KCNIP4: variants seen among roughly 807,000 people sequenced by gnomAD.
The protein encoded by KCNIP4 is Kv channel-interacting protein 4.
A neutral mutation model predicts 34.0 loss-of-function variants in KCNIP4; 12 were observed. That is an observed-to-expected ratio of 0.35 (90% CI 0.23 to 0.57). The LOEUF is 0.57. Ranked by LOEUF, KCNIP4 falls within the 20% of genes least tolerant of loss-of-function variation. KCNIP4 has a pLI of 0.83. For missense variants in KCNIP4, 238 were observed against 311.7 expected (o/e 0.76, Z 1.78); for synonymous variants, 124 against 102.2 (o/e 1.21, Z -1.29).
chr4:21,267,518 G>A (rs1016477957), intron 1 of KCNIP4, among the ~76,000 whole-genome samples: 10 of 150,542 alleles, frequency 6.6e-5, no homozygotes, highest in East Asian at 3.9e-4. Context: ...TTTGAGATAC[G>A]TCCCATCAAT....
rs146264588 is a variant in KCNIP4, at chr4:21,004,303, G to A, written c.62-121594C>T. Among the ~76,000 whole-genome samples the A allele has an allele frequency of 2.8e-4, 43 of 152,270 alleles. No homozygotes were observed. In the East Asian group the frequency reaches 6.7e-3, roughly 24 times the overall value. ...GTAAAATAACCACAACTCAGTGCTC[G>A]ATTCAATGAGAAAGGAGAGAGTATA... is the stretch of plus-strand genomic sequence containing the variant. On this transcript the variant is annotated intron_variant, in intron 1 of 8. Transcript: ENST00000382152.
At chr4:21,881,085 T>C (rs1726432815) in intron 1 of KCNIP4, among the ~76,000 whole-genome samples, 1 of 152,184 alleles carries the variant, frequency 6.6e-6, no homozygotes, top group Non-Finnish European at 1.5e-5. Flanking sequence ...CAGTGAATTA[T>C]AATATTTTTT....
At chr4:21,736,212 C>G (rs1715978607) in intron 1 of KCNIP4, among the ~76,000 whole-genome samples, 1 of 151,998 alleles carries the variant, frequency 6.6e-6, no homozygotes. Flanking sequence ...GAAAGGAAAC[C>G]ACTGAGATTT....
intron 1 of KCNIP4, among the ~76,000 whole-genome samples, chr4:21,071,386 T>C (rs909100997): frequency 1.3e-5 from 2 of 152,192 alleles, no homozygotes; most frequent in Non-Finnish European, 2.9e-5. Flanking sequence ...TTCTGAACCT[T>C]TGACCAAAGG....
At chr4:21,601,986 T>A (rs896524070) in intron 1 of KCNIP4, among the ~76,000 whole-genome samples, 1 of 152,156 alleles carries the variant, frequency 6.6e-6, no homozygotes. Flanking sequence ...CAAAATCACC[T>A]GAATTAGTTA....
chr4:21,434,835 G>A (rs1048397780), intron 1 of KCNIP4, among the ~76,000 whole-genome samples: 4 of 150,724 alleles, frequency 2.7e-5, no homozygotes, highest in African/African-American at 4.9e-5. Flanking sequence ...GGGGACCACC[G>A]ATAGAGAACT....
chr4:21,429,545 G>C (rs1726252173), intron 1 of KCNIP4, among the ~76,000 whole-genome samples: 1 of 152,132 alleles, frequency 6.6e-6, no homozygotes, highest in Non-Finnish European at 1.5e-5. Context: ...TGTTTAGTTT[G>C]ATAGGAAGCT....
At chr4:21,649,485 CTT>C (rs1191093166) in intron 1 of KCNIP4, among the ~76,000 whole-genome samples, 1 of 152,086 alleles carries the variant, frequency 6.6e-6, no homozygotes, top group Non-Finnish European at 1.5e-5. Flanking sequence ...AAGTACCTCT[CTT>C]GGGTGGTAAA....
chr4:21,392,919 A>G (rs1329629125), intron 1 of KCNIP4, among the ~76,000 whole-genome samples: 2 of 152,226 alleles, frequency 1.3e-5, no homozygotes, highest in African/African-American at 4.8e-5. Flanking sequence ...CATGAAGACA[A>G]ATATTCCTGA....
chr4:20,804,682 A>G (rs1313350098), intron 3 of KCNIP4, among the ~76,000 whole-genome samples: 1 of 152,168 alleles, frequency 6.6e-6, no homozygotes, highest in Non-Finnish European at 1.5e-5. Flanking sequence ...TGTATTAATC[A>G]GTACATACTA....
At chr4:21,884,403 A>G (rs540713446) in intron 1 of KCNIP4, among the ~76,000 whole-genome samples, 16 of 152,090 alleles carry the variant, frequency 1.1e-4, no homozygotes, top group Non-Finnish European at 2.2e-4. Flanking sequence ...TGTCGTTAGA[A>G]GAAATGCCCT....
intron 1 of KCNIP4, among the ~76,000 whole-genome samples, chr4:21,794,898 GAACA>G (rs571164972): frequency 9.2e-5 from 14 of 151,826 alleles, no homozygotes; most frequent in Non-Finnish European, 1.6e-4. Flanking sequence ...ACCAAAAAAC[GAACA>G]AACAAACAAA....
At chr4:20,842,483 G>A in intron 3 of KCNIP4, among the ~76,000 whole-genome samples, 2 of 145,768 alleles carry the variant, frequency 1.4e-5, no homozygotes, top group East Asian at 4.3e-4. Flanking sequence ...GGTCACTGCA[G>A]TATAGACAGC....
intron 1 of KCNIP4, among the ~76,000 whole-genome samples, chr4:21,061,994 C>G (rs1198372470): frequency 6.6e-6 from 1 of 152,160 alleles, no homozygotes; most frequent in African/African-American, 2.4e-5. Flanking sequence ...TTGTTCACAT[C>G]TTGATCTTTG....
At chr4:21,916,780 G>A (rs1484671161) in intron 1 of KCNIP4, among the ~76,000 whole-genome samples, 1 of 152,178 alleles carries the variant, frequency 6.6e-6, no homozygotes, top group Non-Finnish European at 1.5e-5. Flanking sequence ...CTTGGCCAGA[G>A]TTCTGTCTCC....
At chr4:21,835,268 C>T (rs1723250306) in intron 1 of KCNIP4, among the ~76,000 whole-genome samples, 1 of 151,978 alleles carries the variant, frequency 6.6e-6, no homozygotes, top group African/African-American at 2.4e-5. Context: ...CAGAAGGCTA[C>T]TTACACTAAT....
At chr4:20,884,400 A>AC (rs1335548796) in intron 1 of KCNIP4, among the ~76,000 whole-genome samples, 21 of 148,174 alleles carry the variant, frequency 1.4e-4, no homozygotes, top group Non-Finnish European at 3.0e-5. Context: ...CCTCCCCTTG[A>AC]CCCCCACCCC....
chr4:21,916,227 G>C (rs1396440132), intron 1 of KCNIP4, among the ~76,000 whole-genome samples: 1 of 152,112 alleles, frequency 6.6e-6, no homozygotes, highest in African/African-American at 2.4e-5. Flanking sequence ...CTTCTTTCCA[G>C]CATTGTCCTG....
chr4:20,834,967 C>G (rs1332395156), intron 3 of KCNIP4, among the ~76,000 whole-genome samples: 2 of 152,304 alleles, frequency 1.3e-5, no homozygotes, highest in South Asian at 2.1e-4. Context: ...AGGTGCTTCT[C>G]TCTTACGAGG....
Sources: allele counts gnomAD v4.1 joint callset (sites outside exome capture counted in the v4.1 genomes callset), GRCh38; gene constraint gnomAD v4.1.1; transcripts MANE v1.5; gene names NCBI Gene and HGNC (gene_info 2026-07-23, HGNC 2026-07-21).